SCAI: variants seen among roughly 807,000 people sequenced by gnomAD.
SCAI encodes suppressor of cancer cell invasion.
Under a neutral mutation model 92.2 loss-of-function variants are expected in SCAI, and 24 were observed. The observed-to-expected ratio is 0.26, with a 90% CI of 0.19 to 0.37. SCAI has a LOEUF of 0.37. SCAI is among the 10% of genes least tolerant of loss of function. SCAI has a pLI of 1.00. For synonymous variants in SCAI, 261 were observed against 258.6 expected (o/e 1.01, Z -0.09); for missense variants, 450 against 736.2 (o/e 0.61, Z 4.50).
chr9:124,962,942 G>A (rs1208276477), intron 17 of SCAI, among the ~76,000 whole-genome samples: 1 of 151,392 alleles, frequency 6.6e-6, no homozygotes, highest in Non-Finnish European at 1.5e-5. Context: ...GGGATTACAG[G>A]TGCATGCCAC....
At chr9:125,072,922 T>C (rs1208732882) in intron 2 of SCAI, among the ~76,000 whole-genome samples, 2 of 151,958 alleles carry the variant, frequency 1.3e-5, no homozygotes, top group Non-Finnish European at 2.9e-5. Context: ...ATATTTTGCT[T>C]CTCCATTCAT....
intron 3 of SCAI, among the ~76,000 whole-genome samples, chr9:125,049,570 G>A (rs75020544): frequency 1.3e-5 from 2 of 152,004 alleles, no homozygotes; most frequent in Non-Finnish European, 2.9e-5. Context: ...TATTTTTCTG[G>A]ATTATGTTTT....
chr9:125,094,237 C>T (rs79125742), intron 2 of SCAI, among the ~76,000 whole-genome samples: 72 of 152,328 alleles, frequency 4.7e-4, no homozygotes, highest in Non-Finnish European at 4.6e-4. Context: ...CTGATCACCA[C>T]TATTATATCC....
intron 3 of SCAI, among the ~76,000 whole-genome samples, chr9:125,050,689 C>T (rs1039105826): frequency 6.6e-6 from 1 of 152,058 alleles, no homozygotes; most frequent in Non-Finnish European, 1.5e-5. Flanking sequence ...CCTCCCACCT[C>T]AGCCTCCCAA....
chr9:124,951,957 G>A lies in SCAI; in HGVS notation c.*850C>T, dbSNP rs1057456803. On this transcript the variant is annotated 3_prime_UTR_variant, in exon 18 of 18. Transcript: ENST00000336505. ...TTTGAAGTCTCATAAATTTGAATGAGGCAAAAAATTAAAACTTTATGTCAC... is the reference window on the plus strand; with the variant it reads ...TTTGAAGTCTCATAAATTTGAATGAAGCAAAAAATTAAAACTTTATGTCAC... 6.6e-6 allele frequency: 1 copy of A among 152,054 alleles called. No individual in the cohort carries two copies. Among genetic ancestry groups the A allele is most frequent in the African/African-American group, 2.4e-5 (1 of 41,398 alleles). 9.4% of individuals were successfully genotyped at this position (152,054 alleles called of 1,614,324 possible). A position where few individuals can be genotyped will look rare whatever the true frequency, so the allele number is the denominator to read the frequency against.
chr9:125,067,388 G>A (rs1332641504), intron 2 of SCAI, among the ~76,000 whole-genome samples: 1 of 152,156 alleles, frequency 6.6e-6, no homozygotes, highest in African/African-American at 2.4e-5. Flanking sequence ...TTAAAGAGCA[G>A]AGGAGACACA....
intron 17 of SCAI, among the ~76,000 whole-genome samples, chr9:124,966,725 T>G (rs767813247): frequency 6.6e-6 from 1 of 152,146 alleles, no homozygotes; most frequent in Non-Finnish European, 1.5e-5. Flanking sequence ...ATAATTTTAT[T>G]TCAGGAGAAA....
At position 125,091,140 on chromosome 9, in the gene SCAI, T is replaced by A. The variant is rs1427725891; in HGVS notation, c.99-35133A>T. 1.3e-5 allele frequency among the ~76,000 whole-genome samples: 2 copies of A among 152,212 alleles called. No individual in the cohort carries two copies. The highest frequency in any genetic ancestry group is 6.5e-5 in the Admixed American group (1 of 15,286). ...TCAAAAAAAAGAAAGGACAGGTTCATAACTCACTCCAACAGATGCAATACC... is the reference window on the plus strand; with the variant it reads ...TCAAAAAAAAGAAAGGACAGGTTCAAAACTCACTCCAACAGATGCAATACC... On this transcript the variant is annotated intron_variant, in intron 2 of 17. Transcript: ENST00000336505. The surrounding 1 kb of genome is among the most constrained non-coding windows in gnomAD (Gnocchi z 4.3).
chr9:125,107,935 G>A (rs894385517), intron 2 of SCAI, among the ~76,000 whole-genome samples: 3 of 152,138 alleles, frequency 2.0e-5, no homozygotes, highest in Non-Finnish European at 4.4e-5. Context: ...CTCCCTGCCT[G>A]ATTCTCCTGT....
intron 2 of SCAI, among the ~76,000 whole-genome samples, chr9:125,107,720 ATTGTGCCACTGCAC>A (rs1213693607): frequency 6.6e-6 from 1 of 152,158 alleles, no homozygotes; most frequent in African/African-American, 2.4e-5. Context: ...GTGAGTTATG[ATTGTGCCACTGCAC>A]TCCAGCCTCG....
At chr9:125,088,325 G>A (rs992849080) in intron 2 of SCAI, among the ~76,000 whole-genome samples, 4 of 152,172 alleles carry the variant, frequency 2.6e-5, no homozygotes, top group African/African-American at 9.7e-5. Flanking sequence ...TGGAGGAGGG[G>A]CCTGATAGGA....
At chr9:124,981,595 A>C (rs1299526141) in intron 14 of SCAI, among the ~76,000 whole-genome samples, 1 of 152,204 alleles carries the variant, frequency 6.6e-6, no homozygotes, top group Non-Finnish European at 1.5e-5. Flanking sequence ...TTACTAAATG[A>C]CTGTTACGAA....
intron 6 of SCAI, among the ~76,000 whole-genome samples, chr9:125,021,751 T>C (rs757497785): frequency 6.6e-6 from 1 of 152,144 alleles, no homozygotes; most frequent in Non-Finnish European, 1.5e-5. Context: ...TAGAAATGTG[T>C]CTATTGATTG....
chr9:124,982,442 G>C (rs543302206), intron 14 of SCAI, among the ~76,000 whole-genome samples: 1 of 151,996 alleles, frequency 6.6e-6, no homozygotes, highest in Admixed American at 6.6e-5. Context: ...GAGGCCGAGG[G>C]GGGTGGTTCA....
rs1834424627 is a variant in SCAI at position 125,091,321 on chromosome 9, C to T, written c.99-35314G>A. On this transcript the variant is annotated intron_variant, in intron 2 of 17. Transcript: ENST00000336505. This position sits in a 1 kb window ranked among gnomAD's most constrained non-coding sequence, Gnocchi z 4.3. ...ATCCATGCTGTGAGGTACTTGACAA[C>T]TTTCCAATAAATTCATTTTCTGCTT... 6.6e-6 allele frequency among the ~76,000 whole-genome samples: 1 copy of T among 152,188 alleles called. No homozygotes were observed. The highest frequency in any genetic ancestry group is 1.5e-5 in the Non-Finnish European group (1 of 68,036).
intron 2 of SCAI, among the ~76,000 whole-genome samples, chr9:125,126,013 C>T (rs1265794241): frequency 6.6e-6 from 1 of 151,772 alleles, no homozygotes; most frequent in East Asian, 1.9e-4. Flanking sequence ...GGACATTGAG[C>T]CCCTTGGGTA....
chr9:125,109,274 TTA>T (rs1196904924), intron 2 of SCAI, among the ~76,000 whole-genome samples: 1 of 152,004 alleles, frequency 6.6e-6, no homozygotes, highest in Non-Finnish European at 1.5e-5. Context: ...GTTCACTTGT[TTA>T]TCTGCTGACC....
intron 2 of SCAI, among the ~76,000 whole-genome samples, chr9:125,069,729 T>G (rs758829198): frequency 1.4e-4 from 21 of 146,616 alleles, no homozygotes; most frequent in Non-Finnish European, 1.3e-4. Flanking sequence ...GTTCAAGCAA[T>G]TCTCTGCCTT....
At chr9:124,961,880 T>G (rs868541542) in intron 17 of SCAI, among the ~76,000 whole-genome samples, 6 of 151,756 alleles carry the variant, frequency 4.0e-5, no homozygotes, top group South Asian at 2.1e-4. Context: ...TGGCAGTTTT[T>G]TTTTTTTTTT....
Sources: allele counts gnomAD v4.1 joint callset (sites outside exome capture counted in the v4.1 genomes callset), GRCh38; gene constraint gnomAD v4.1.1; non-coding constraint Gnocchi (gnomAD v3.1); transcripts MANE v1.5; gene names NCBI Gene and HGNC (gene_info 2026-07-23, HGNC 2026-07-21).